The following NRXN3 variants were observed in gnomAD, a reference collection of about 807,000 sequenced individuals.
NRXN3 encodes the protein neurexin III.
NRXN3 carries 32 observed loss-of-function variants against 137.6 expected under a neutral mutation model. The ratio of observed to expected loss-of-function variants is 0.23; its 90% confidence interval spans 0.18 to 0.31. The LOEUF is 0.31. Ranked by LOEUF, NRXN3 falls within the 10% of genes least tolerant of loss-of-function variation. NRXN3 has a pLI of 1.00. For synonymous variants in NRXN3, 798 were observed against 784.5 expected, an observed-to-expected ratio of 1.02 and a Z score of -0.29; for missense variants, 1,574 against 2,062.5, an observed-to-expected ratio of 0.76 and a Z score of 4.59.
At chr14:78,648,146 T>C (rs1437462225) in intron 5 of NRXN3, among the ~76,000 whole-genome samples, 2 of 152,248 alleles carry the variant, frequency 1.3e-5, no homozygotes, top group Non-Finnish European at 2.9e-5. Context: ...GAATGTGGAC[T>C]ACCTGTATCT....
intron 15 of NRXN3, among the ~76,000 whole-genome samples, chr14:79,354,272 A>G (rs2093339815): frequency 6.6e-6 from 1 of 152,194 alleles, no homozygotes; most frequent in Non-Finnish European, 1.5e-5. Flanking sequence ...AACCTAAAAT[A>G]CACTAGTAAA....
intron 4 of NRXN3, among the ~76,000 whole-genome samples, chr14:78,333,991 C>G (rs1351522458): frequency 6.6e-6 from 1 of 151,992 alleles, no homozygotes; most frequent in Non-Finnish European, 1.5e-5. Context: ...GTAGAGCCAG[C>G]AGTATTTGCT....
chr14:78,660,098 G>A (rs1168735954), intron 6 of NRXN3, among the ~76,000 whole-genome samples: 1 of 151,994 alleles, frequency 6.6e-6, no homozygotes, highest in East Asian at 1.9e-4. Context: ...AGTGGTATGG[G>A]CCTAAGGAAG....
intron 4 of NRXN3, among the ~76,000 whole-genome samples, chr14:78,473,096 G>A (rs536477123): frequency 1.1e-4 from 17 of 152,040 alleles, no homozygotes; most frequent in South Asian, 6.2e-4. Context: ...CTGTTACCAA[G>A]GCTCTTTAAA....
intron 15 of NRXN3, among the ~76,000 whole-genome samples, chr14:79,159,317 A>G (rs1165669138): frequency 6.6e-6 from 1 of 151,764 alleles, no homozygotes; most frequent in Non-Finnish European, 1.5e-5. Flanking sequence ...ATGCTTCAGG[A>G]TGTTGATCTC....
intron 4 of NRXN3, among the ~76,000 whole-genome samples, chr14:78,413,678 C>G (rs889314930): frequency 1.3e-5 from 2 of 152,186 alleles, no homozygotes; most frequent in Non-Finnish European, 2.9e-5. Flanking sequence ...TAGCTAAAGA[C>G]AATTCTGCAG....
intron 4 of NRXN3, among the ~76,000 whole-genome samples, chr14:78,317,305 C>T (rs1220172201): frequency 6.6e-6 from 1 of 152,160 alleles, no homozygotes; most frequent in Non-Finnish European, 1.5e-5. Context: ...GGGAACCAGG[C>T]CGCACAGCAA....
chr14:78,731,137 C>T (rs948685462), intron 8 of NRXN3, among the ~76,000 whole-genome samples: 8 of 152,008 alleles, frequency 5.3e-5, no homozygotes, highest in Admixed American at 1.3e-4. Flanking sequence ...TACAGAGTAG[C>T]GTTCCTGGGG....
chr14:78,221,750 G>C (rs2063875729), intron 1 of NRXN3, among the ~76,000 whole-genome samples: 1 of 152,148 alleles, frequency 6.6e-6, no homozygotes, highest in Non-Finnish European at 1.5e-5. Context: ...TCTGGTCATT[G>C]ACCTGTTGGA....
chr14:78,713,803 G>A (rs1016222669), intron 7 of NRXN3, among the ~76,000 whole-genome samples: 5 of 152,158 alleles, frequency 3.3e-5, no homozygotes, highest in Non-Finnish European at 2.9e-5. Flanking sequence ...GATCTTGTGA[G>A]AACTCACTCA....
chr14:78,298,672 A>G (rs1045697994), intron 4 of NRXN3, among the ~76,000 whole-genome samples: 1 of 152,186 alleles, frequency 6.6e-6, no homozygotes, highest in Non-Finnish European at 1.5e-5. Context: ...TCACAGTTCA[A>G]TTGCTGCTAT....
At chr14:79,562,139 A>T (rs1371663339) in intron 16 of NRXN3, among the ~76,000 whole-genome samples, 1 of 152,148 alleles carries the variant, frequency 6.6e-6, no homozygotes, top group Non-Finnish European at 1.5e-5. Context: ...CAGGTGGAAT[A>T]TACCCCCCAT....
chr14:79,729,816 C>A (rs2098915130), intron 19 of NRXN3, among the ~76,000 whole-genome samples: 1 of 152,058 alleles, frequency 6.6e-6, no homozygotes, highest in Admixed American at 6.6e-5. Flanking sequence ...ATCCTGGATT[C>A]GAGTGAGTGC....
chr14:79,638,118 G>A (rs537873622), intron 16 of NRXN3, among the ~76,000 whole-genome samples: 57 of 151,950 alleles, frequency 3.8e-4, no homozygotes, highest in East Asian at 2.3e-3. Context: ...TGTATTATCC[G>A]TGCATTTGTC....
chr14:79,382,016 G>C (rs1206491586), intron 15 of NRXN3, among the ~76,000 whole-genome samples: 1 of 152,184 alleles, frequency 6.6e-6, no homozygotes, highest in Non-Finnish European at 1.5e-5. Flanking sequence ...TTTTGAACAA[G>C]ATTAGTGGAT....
intron 15 of NRXN3, among the ~76,000 whole-genome samples, chr14:79,206,543 A>G (rs903898938): frequency 1.3e-5 from 2 of 152,208 alleles, no homozygotes; most frequent in African/African-American, 2.4e-5. Context: ...GCTGAAGTAT[A>G]CAAGTATTTA....
chr14:78,920,373 T>C (rs1490886540), intron 10 of NRXN3, among the ~76,000 whole-genome samples: 1 of 152,234 alleles, frequency 6.6e-6, no homozygotes, highest in Non-Finnish European at 1.5e-5. Context: ...CGGAAAATAC[T>C]GGAAATTTTT....
chr14:79,573,060 T>C (rs2097625059), intron 16 of NRXN3: 1 of 152,184 alleles, frequency 6.6e-6, no homozygotes, highest in Admixed American at 6.5e-5. Flanking sequence ...CAGATAGATG[T>C]TTTTCAGATA....
chr14:79,404,042 G>C (rs1599784240), intron 15 of NRXN3, among the ~76,000 whole-genome samples: 1 of 152,114 alleles, frequency 6.6e-6, no homozygotes, highest in African/African-American at 2.4e-5. Context: ...CCATAGGCAC[G>C]GACAAAGAGT....
Sources: gnomAD v4.1 joint callset for allele counts (sites outside exome capture counted in the v4.1 genomes callset) on GRCh38, gnomAD v4.1.1 for gene constraint, MANE v1.5 for transcripts, NCBI Gene and HGNC (gene_info 2026-07-23, HGNC 2026-07-21) for gene names.